SCFD2: variants seen among roughly 807,000 people sequenced by gnomAD.
SCFD2 encodes the protein sec1 family domain-containing protein 2.
SCFD2 carries 54 observed loss-of-function variants against 58.9 expected under a neutral mutation model. That is an observed-to-expected ratio of 0.92 (90% CI 0.74 to 1.15). The LOEUF (loss-of-function observed/expected upper bound fraction) is 1.15, where lower values mean the gene tolerates loss of function less well. SCFD2 is among the 50% of genes most tolerant of loss of function. The pLI, the probability that SCFD2 is intolerant of heterozygous loss-of-function variation, is 0.00. For missense variants in SCFD2, 805 were observed against 836.6 expected (o/e 0.96, Z 0.47); for synonymous variants, 321 against 335.9 (o/e 0.96, Z 0.49).
At chr4:53,074,991 T>C (rs1158778369) in intron 5 of SCFD2, among the ~76,000 whole-genome samples, 1 of 152,214 alleles carries the variant, frequency 6.6e-6, no homozygotes, top group Admixed American at 6.5e-5. Flanking sequence ...TCTCTCTACC[T>C]ATGAAAAGTC....
At chr4:53,226,517 A>G (rs1729221571) in intron 4 of SCFD2, among the ~76,000 whole-genome samples, 1 of 152,162 alleles carries the variant, frequency 6.6e-6, no homozygotes. Flanking sequence ...TAATCAAATT[A>G]TTTAAAAAAT....
intron 4 of SCFD2, among the ~76,000 whole-genome samples, chr4:53,270,503 G>A (rs1731129189): frequency 6.6e-6 from 1 of 152,096 alleles, no homozygotes; most frequent in Non-Finnish European, 1.5e-5. Flanking sequence ...TAGTATGCCT[G>A]GTCAATGCAC....
At chr4:53,068,249 C>A (rs528093434) in intron 5 of SCFD2, among the ~76,000 whole-genome samples, 1 of 152,094 alleles carries the variant, frequency 6.6e-6, no homozygotes, top group East Asian at 1.9e-4. Flanking sequence ...CTGACCCACT[C>A]CACAGTTTCT....
intron 7 of SCFD2, among the ~76,000 whole-genome samples, chr4:52,897,471 A>G: frequency 6.6e-6 from 1 of 152,162 alleles, no homozygotes; most frequent in Non-Finnish European, 1.5e-5. Flanking sequence ...ATTGATTTTC[A>G]TATGTTGAAC....
chr4:53,243,877 G>C (rs1729979590), intron 4 of SCFD2, among the ~76,000 whole-genome samples: 1 of 152,000 alleles, frequency 6.6e-6, no homozygotes, highest in Non-Finnish European at 1.5e-5. Context: ...TCATTTGTTT[G>C]TTTGTTTTTG....
At chr4:53,220,770 T>C (rs1020908954) in intron 4 of SCFD2, among the ~76,000 whole-genome samples, 1 of 152,254 alleles carries the variant, frequency 6.6e-6, no homozygotes, top group Non-Finnish European at 1.5e-5. Context: ...CAGTTATCAC[T>C]GATTCTGCTG....
At chr4:53,044,442 G>A (rs1045451913) in intron 5 of SCFD2, among the ~76,000 whole-genome samples, 2 of 151,706 alleles carry the variant, frequency 1.3e-5, no homozygotes, top group Admixed American at 6.6e-5. Flanking sequence ...GGTTTCTGGA[G>A]AACCAAATCA....
intron 5 of SCFD2, among the ~76,000 whole-genome samples, chr4:52,936,924 C>A (rs1720152411): frequency 1.3e-5 from 2 of 152,202 alleles, no homozygotes; most frequent in South Asian, 4.1e-4. Context: ...TCCTTTCTTT[C>A]AATAAATATT....
chr4:52,920,948 G>T, intron 5 of SCFD2, 78 bp from the exon 6 acceptor site: 1 of 751,838 alleles, frequency 1.3e-6, no homozygotes, highest in Non-Finnish European at 2.0e-6. Context: ...TCGATGTAAT[G>T]TAGTTGGGAG....
intron 3 of SCFD2, among the ~76,000 whole-genome samples, chr4:53,298,397 G>T (rs1401731283): frequency 2.0e-5 from 3 of 152,162 alleles, no homozygotes; most frequent in African/African-American, 7.2e-5. Flanking sequence ...GAGGCTGGGG[G>T]AGGGGCGCCC....
At chr4:53,230,183 A>T (rs1281879819) in intron 4 of SCFD2, among the ~76,000 whole-genome samples, 1 of 152,160 alleles carries the variant, frequency 6.6e-6, no homozygotes, top group Non-Finnish European at 1.5e-5. Context: ...GGGATTGTAA[A>T]CTAGTTCAAC....
intron 5 of SCFD2, among the ~76,000 whole-genome samples, chr4:53,040,122 T>A (rs1722859354): frequency 6.6e-6 from 1 of 152,184 alleles, no homozygotes; most frequent in African/African-American, 2.4e-5. Context: ...GGTGAGTATG[T>A]TCTGAAATCC....
intron 2 of SCFD2, among the ~76,000 whole-genome samples, chr4:53,335,748 A>G (rs529687584): frequency 1.3e-5 from 2 of 152,320 alleles, no homozygotes; most frequent in South Asian, 4.1e-4. Flanking sequence ...CAATTCAAAA[A>G]AAATACCAAG....
rs868445227 is a variant in SCFD2, at chr4:52,928,091, T to C, written c.1562-7221A>G. On this transcript the variant is annotated intron_variant, in intron 5 of 8. Coordinates refer to ENST00000401642, the MANE Select transcript of SCFD2 (RefSeq NM_152540.4). ...GGTTCATGCCTGTAATCTCAGAACT[T>C]TGGGAGACCGAGGTGGGAGGATCAC... 3.3e-5 allele frequency among the ~76,000 whole-genome samples: 5 copies of C among 152,200 alleles called. 1 individual carries two copies. The South Asian group carries it at 1.0e-3, about 32-fold the overall frequency.
At chr4:53,254,302 A>G (rs1489612476) in intron 4 of SCFD2, among the ~76,000 whole-genome samples, 6 of 151,898 alleles carry the variant, frequency 4.0e-5, no homozygotes, top group Non-Finnish European at 8.8e-5. Context: ...TAACGGGTGA[A>G]TCTCACAAGA....
intron 5 of SCFD2, among the ~76,000 whole-genome samples, chr4:52,921,434 A>C (rs1719732812): frequency 1.3e-5 from 2 of 152,188 alleles, no homozygotes; most frequent in Admixed American, 1.3e-4. Context: ...TTCTTTTTCA[A>C]ACTCAGAAGA....
At chr4:53,097,502 T>G (rs552243838) in intron 5 of SCFD2, among the ~76,000 whole-genome samples, 1 of 152,216 alleles carries the variant, frequency 6.6e-6, no homozygotes, top group Non-Finnish European at 1.5e-5. Flanking sequence ...TCACTCATGA[T>G]TTGGCTCTCT....
chr4:53,361,630 C>T (rs1468964339), intron 1 of SCFD2, among the ~76,000 whole-genome samples: 1 of 152,164 alleles, frequency 6.6e-6, no homozygotes, highest in African/African-American at 2.4e-5. Context: ...TTCCTAGGCT[C>T]CAGTGATTCA....
chr4:53,256,027 C>T (rs1730608843), intron 4 of SCFD2, among the ~76,000 whole-genome samples: 1 of 150,252 alleles, frequency 6.7e-6, no homozygotes. Flanking sequence ...TCTGACCCCC[C>T]ACCTCCCTTC....
Sources: allele counts gnomAD v4.1 joint callset (sites outside exome capture counted in the v4.1 genomes callset), GRCh38; gene constraint gnomAD v4.1.1; transcripts MANE v1.5; gene names NCBI Gene and HGNC (gene_info 2026-07-23, HGNC 2026-07-21).